MCTP1: variants seen among roughly 807,000 people sequenced by gnomAD.
The protein encoded by MCTP1 is multiple C2 and transmembrane domain-containing protein 1.
A neutral mutation model predicts 120.6 loss-of-function variants in MCTP1; 69 were observed. The ratio of observed to expected loss-of-function variants is 0.57; its 90% confidence interval spans 0.47 to 0.70. The LOEUF (loss-of-function observed/expected upper bound fraction) is 0.70, where lower values mean the gene tolerates loss of function less well. MCTP1 is among the 30% of genes least tolerant of loss of function. The pLI is 0.00. For missense variants in MCTP1, 1,203 were observed against 1,248.8 expected (o/e 0.96, Z 0.55); for synonymous variants, 529 against 493.1 (o/e 1.07, Z -0.96).
At chr5:94,834,291 T>C (rs1011990665) in intron 17 of MCTP1, among the ~76,000 whole-genome samples, 1 of 152,224 alleles carries the variant, frequency 6.6e-6, no homozygotes, top group South Asian at 2.1e-4. Flanking sequence ...AATAGGTAGT[T>C]AACCACTTTT....
rs201041742 is a variant in MCTP1, at chr5:94,953,931, C to CAT, written c.839-572_839-571dup. Among the ~76,000 whole-genome samples the CAT allele has an allele frequency of 1.5e-3, 42 of 27,794 alleles. 9 individuals are homozygous for CAT. Among genetic ancestry groups the CAT allele is most frequent in the African/African-American group, 0.013 (42 of 3,294 alleles). 18.2% of individuals were successfully genotyped at this position (27,794 alleles called of 152,430 possible). A position where few individuals can be genotyped will look rare whatever the true frequency, so the allele number is the denominator to read the frequency against. ...CATATATATACAAATATAATATATG[C>CAT]ATATATATACAAATATATATGCATA... is the stretch of plus-strand genomic sequence containing the variant. On this transcript the variant is annotated intron_variant, in intron 2 of 22. Coordinates refer to ENST00000515393, the MANE Select transcript of MCTP1 (RefSeq NM_024717.7).
intron 12 of MCTP1, among the ~76,000 whole-genome samples, chr5:94,886,754 T>C (rs1253826856): frequency 6.6e-6 from 1 of 152,170 alleles, no homozygotes. Flanking sequence ...TATTATCCAC[T>C]GAGACGCACA....
chr5:94,919,352 T>C (rs1810960496), intron 7 of MCTP1, among the ~76,000 whole-genome samples: 1 of 152,180 alleles, frequency 6.6e-6, no homozygotes. Flanking sequence ...GATATTTTAT[T>C]TTTCTCGTTG....
At chr5:94,740,732 A>C (rs868455932) in intron 19 of MCTP1, among the ~76,000 whole-genome samples, 2 of 152,322 alleles carry the variant, frequency 1.3e-5, no homozygotes, top group South Asian at 4.1e-4. Context: ...CTGTGTGCAG[A>C]GTATAGCAGG....
chr5:95,255,433 C>T (rs1220905471), intron 1 of MCTP1, among the ~76,000 whole-genome samples: 1 of 152,088 alleles, frequency 6.6e-6, no homozygotes, highest in Non-Finnish European at 1.5e-5. Flanking sequence ...TCTTTCATTT[C>T]CCAATCATAT....
At chr5:94,931,850 A>G (rs1814762878) in intron 6 of MCTP1, 103 bp downstream of exon 6, 3 of 886,054 alleles carry the variant, frequency 3.4e-6, no homozygotes, top group Non-Finnish European at 5.3e-6. Flanking sequence ...ATTGAATAGT[A>G]TGAAATCTGG....
intron 2 of MCTP1, among the ~76,000 whole-genome samples, chr5:94,953,836 T>TATATACAAATATATATATGC (rs1561916232): frequency 4.3e-5 from 2 of 46,126 alleles, no homozygotes; most frequent in African/African-American, 1.6e-4. Flanking sequence ...TATACATATA[T>TATATACAAATATATATATGC]ATATATACAC....
At chr5:95,126,956 C>T (rs1419906163) in intron 1 of MCTP1, among the ~76,000 whole-genome samples, 4 of 152,056 alleles carry the variant, frequency 2.6e-5, no homozygotes, top group African/African-American at 9.7e-5. Flanking sequence ...TTATTATGTC[C>T]GATTTTTCTT....
chr5:95,119,629 C>G (rs1269988491), intron 1 of MCTP1, among the ~76,000 whole-genome samples: 1 of 151,832 alleles, frequency 6.6e-6, no homozygotes, highest in Non-Finnish European at 1.5e-5. Flanking sequence ...AAACTTTTAG[C>G]CAGGCTGAGG....
At chr5:95,223,720 C>T (rs1753945766) in intron 1 of MCTP1, among the ~76,000 whole-genome samples, 1 of 152,086 alleles carries the variant, frequency 6.6e-6, no homozygotes. Context: ...AACTAGCGGA[C>T]TCAAAGGGAA....
intron 17 of MCTP1, among the ~76,000 whole-genome samples, chr5:94,839,356 C>A (rs564054062): frequency 1.5e-4 from 23 of 152,210 alleles, no homozygotes; most frequent in African/African-American, 5.3e-4. Flanking sequence ...TACCTACTCA[C>A]CCAGAGTAGG....
At chr5:94,770,258 G>A (rs975070990) in intron 19 of MCTP1, among the ~76,000 whole-genome samples, 9 of 152,168 alleles carry the variant, frequency 5.9e-5, no homozygotes, top group Non-Finnish European at 1.2e-4. Flanking sequence ...TGAAAAAATC[G>A]TGTCTATTTC....
At chr5:94,738,971 A>G (rs563143714) in intron 19 of MCTP1, among the ~76,000 whole-genome samples, 75 of 152,330 alleles carry the variant, frequency 4.9e-4, no homozygotes, top group African/African-American at 1.8e-3. Context: ...AACACATGTG[A>G]TCTTTTCAAC....
chr5:94,894,906 G>A, intron 10 of MCTP1, 71 bp from the exon 11 acceptor site: 1 of 908,110 alleles, frequency 1.1e-6, no homozygotes, highest in East Asian at 2.5e-5. Flanking sequence ...GCTGTTCAGA[G>A]TTCTATGAAA....
chr5:95,189,978 A>C (rs1749650152), intron 1 of MCTP1, among the ~76,000 whole-genome samples: 1 of 152,136 alleles, frequency 6.6e-6, no homozygotes. Context: ...TAGTGGGCTT[A>C]ATATCCGTAC....
intron 1 of MCTP1, among the ~76,000 whole-genome samples, chr5:95,210,978 T>G (rs1318360320): frequency 6.6e-6 from 1 of 151,932 alleles, no homozygotes; most frequent in Non-Finnish European, 1.5e-5. Flanking sequence ...AAAATTCTTT[T>G]CTTTAAGAAT....
At chr5:94,896,320 G>A (rs1803977559) in intron 10 of MCTP1, among the ~76,000 whole-genome samples, 3 of 152,158 alleles carry the variant, frequency 2.0e-5, no homozygotes, top group Admixed American at 2.0e-4. Flanking sequence ...CTTGGATAGG[G>A]AGTATAATAC....
In MCTP1 at chr5:94,804,681, G is replaced by A. The variant is rs561156854; in HGVS notation, c.2437-5549C>T. Among the ~76,000 whole-genome samples, 457 of 152,194 alleles carry A rather than the reference G, an allele frequency of 3.0e-3. 1 individual carries two copies. Among genetic ancestry groups the A allele is most frequent in the African/African-American group, 1.0e-2 (415 of 41,526 alleles). ...TCTCGATCTCCTGACCTCGTGATCT[G>A]CCCGCCTCGGCCTCCCAAAGTGCTG... On this transcript the variant is annotated intron_variant, in intron 17 of 22. Transcript: ENST00000515393.
chr5:94,797,530 T>C (rs1192601670), intron 18 of MCTP1, among the ~76,000 whole-genome samples: 2 of 152,180 alleles, frequency 1.3e-5, no homozygotes, highest in South Asian at 2.1e-4. Context: ...CCAACGCTTA[T>C]AGCATTTAGG....
Sources: allele counts gnomAD v4.1 joint callset (sites outside exome capture counted in the v4.1 genomes callset), GRCh38; gene constraint gnomAD v4.1.1; transcripts MANE v1.5; gene names NCBI Gene and HGNC (gene_info 2026-07-23, HGNC 2026-07-21).